The following PRKCA variants were observed in gnomAD, a reference collection of about 807,000 sequenced individuals.
The protein encoded by PRKCA is protein kinase C alpha, also known as protein kinase C alpha type.
PRKCA carries 27 observed loss-of-function variants against 87.0 expected under a neutral mutation model. The observed-to-expected ratio is 0.31, with a 90% CI of 0.23 to 0.43. PRKCA has a LOEUF of 0.43. PRKCA is among the 20% of genes least tolerant of loss of function. The pLI is 1.00. For synonymous variants in PRKCA, 329 were observed against 311.1 expected (o/e 1.06, Z -0.61); for missense variants, 518 against 852.3 (o/e 0.61, Z 4.88).
chr17:66,786,574 A>G (rs6504458), intron 14 of PRKCA, among the ~76,000 whole-genome samples: 48,102 of 152,184 alleles, frequency 0.32, 8,641 homozygotes, highest in African/African-American at 0.49. Context: ...ATTAATCATA[A>G]TTTATTTGCA....
chr17:66,516,461 C>T (rs1350824827), intron 3 of PRKCA, among the ~76,000 whole-genome samples: 5 of 151,852 alleles, frequency 3.3e-5, no homozygotes, highest in African/African-American at 2.4e-5. Context: ...GGTGAGACCC[C>T]GTCTCTACTA....
chr17:66,804,220 A>T lies in PRKCA; in HGVS notation c.*183A>T, dbSNP rs1016361011. The T allele has an allele frequency of 1.7e-5, 13 of 767,844 alleles. No individual in the cohort carries two copies. The highest frequency in any genetic ancestry group is 2.5e-5 in the Non-Finnish European group (13 of 514,492). The allele number at this position is 767,844 out of a possible 1,614,324, so 47.6% of individuals were successfully genotyped here. On this transcript the variant is annotated 3_prime_UTR_variant, in exon 17 of 17. Coordinates refer to ENST00000413366, the MANE Select transcript of PRKCA (RefSeq NM_002737.3). ...TCAGGGTCTCTCTCTTACAACCAAG[A>T]ACATTATCTTAGTGGAAGATGGTAC...
At chr17:66,442,135 G>C (rs978650085) in intron 2 of PRKCA, among the ~76,000 whole-genome samples, 1 of 151,230 alleles carries the variant, frequency 6.6e-6, no homozygotes, top group African/African-American at 2.4e-5. Flanking sequence ...GATCTTAACT[G>C]ACTGTGACCT....
intron 2 of PRKCA, among the ~76,000 whole-genome samples, chr17:66,428,700 C>T (rs1313154935): frequency 6.6e-6 from 1 of 151,974 alleles, no homozygotes; most frequent in East Asian, 1.9e-4. Context: ...GATGGGTTTT[C>T]ACTATGTTGC....
At chr17:66,351,725 C>G (rs1907758490) in intron 2 of PRKCA, among the ~76,000 whole-genome samples, 1 of 152,086 alleles carries the variant, frequency 6.6e-6, no homozygotes, top group Admixed American at 6.6e-5. Flanking sequence ...CTACTCAAAC[C>G]AGCGTAAACC....
At chr17:66,395,094 T>C (rs548264779) in intron 2 of PRKCA, among the ~76,000 whole-genome samples, 14 of 152,328 alleles carry the variant, frequency 9.2e-5, no homozygotes, top group African/African-American at 3.1e-4. Context: ...TTGCTAAGTA[T>C]AGTTCTTCTC....
At chr17:66,329,890 T>G (rs866882556) in intron 2 of PRKCA, among the ~76,000 whole-genome samples, 2 of 152,292 alleles carry the variant, frequency 1.3e-5, no homozygotes, top group Middle Eastern at 6.8e-3. Flanking sequence ...ATGTCGATCT[T>G]TTTTCAACCA....
At chr17:66,603,355 A>G (rs548616992) in intron 3 of PRKCA, among the ~76,000 whole-genome samples, 22 of 152,316 alleles carry the variant, frequency 1.4e-4, no homozygotes, top group Non-Finnish European at 2.1e-4. Context: ...TTTTAAGACA[A>G]AGGACGACAG....
chr17:66,411,658 A>G (rs1314376288), intron 2 of PRKCA, among the ~76,000 whole-genome samples: 1 of 152,164 alleles, frequency 6.6e-6, no homozygotes, highest in Non-Finnish European at 1.5e-5. Context: ...GTGCAAAAGC[A>G]GAGGTGGACG....
At chr17:66,348,492 A>T (rs1041310977) in intron 2 of PRKCA, among the ~76,000 whole-genome samples, 10 of 152,158 alleles carry the variant, frequency 6.6e-5, no homozygotes, top group Non-Finnish European at 1.3e-4. Flanking sequence ...TGGTTTGATC[A>T]TGAGGACCCT....
At chr17:66,667,294 G>A (rs1218236586) in intron 5 of PRKCA, among the ~76,000 whole-genome samples, 6 of 152,204 alleles carry the variant, frequency 3.9e-5, no homozygotes, top group African/African-American at 1.4e-4. Flanking sequence ...GGAGGCATAT[G>A]TATTCATCCG....
At chr17:66,500,557 A>G (rs1321713778) in intron 3 of PRKCA, among the ~76,000 whole-genome samples, 1 of 152,238 alleles carries the variant, frequency 6.6e-6, no homozygotes, top group Non-Finnish European at 1.5e-5. Flanking sequence ...ATGAGGAGAC[A>G]ACTAAGGCAA....
At chr17:66,708,490 G>A (rs1398226162) in intron 8 of PRKCA, among the ~76,000 whole-genome samples, 1 of 152,146 alleles carries the variant, frequency 6.6e-6, no homozygotes, top group Non-Finnish European at 1.5e-5. Context: ...CAGCCTTAGA[G>A]TTCTTTCTAG....
chr17:66,774,144 G>C, intron 14 of PRKCA, 77 bp downstream of exon 14: 1 of 1,608,708 alleles, frequency 6.2e-7, no homozygotes, highest in Non-Finnish European at 8.5e-7. Flanking sequence ...GGCCTCGAGA[G>C]CAAGACCTGA....
intron 5 of PRKCA, among the ~76,000 whole-genome samples, chr17:66,659,262 C>T (rs999751848): frequency 4.6e-5 from 7 of 152,078 alleles, no homozygotes; most frequent in Admixed American, 1.3e-4. Context: ...GCTGCTGGTC[C>T]GGTGATTTTC....
chr17:66,488,869 CTG>C (rs755673404), intron 2 of PRKCA, among the ~76,000 whole-genome samples: 8 of 152,182 alleles, frequency 5.3e-5, no homozygotes, highest in Non-Finnish European at 1.2e-4. Context: ...CAGGAGAAGA[CTG>C]TTTTCATTGT....
At chr17:66,536,100 A>AT (rs937866116) in intron 3 of PRKCA, among the ~76,000 whole-genome samples, 1 of 151,910 alleles carries the variant, frequency 6.6e-6, no homozygotes, top group African/African-American at 2.4e-5. Context: ...TTTTATTTTT[A>AT]TTTTTTGGCA....
chr17:66,746,255 G>A (rs1274471636), intron 13 of PRKCA, among the ~76,000 whole-genome samples: 3 of 149,744 alleles, frequency 2.0e-5, no homozygotes, highest in African/African-American at 7.4e-5. Flanking sequence ...TGGGCTCAGG[G>A]GATCCTCCTG....
intron 3 of PRKCA, among the ~76,000 whole-genome samples, chr17:66,560,415 AATTGTCTGTGTTTTGAGCCC>A (rs1160250439): frequency 6.6e-6 from 1 of 152,156 alleles, no homozygotes; most frequent in Non-Finnish European, 1.5e-5. Context: ...AAGCACAAAA[AATTGTCTGTGTTTTGAGCCC>A]ATTGTCAGTG....
Sources: gnomAD v4.1 joint callset for allele counts (sites outside exome capture counted in the v4.1 genomes callset) on GRCh38, gnomAD v4.1.1 for gene constraint, MANE v1.5 for transcripts, NCBI Gene and HGNC (gene_info 2026-07-23, HGNC 2026-07-21) for gene names.